SH3RF1: variants seen among roughly 807,000 people sequenced by gnomAD.
SH3RF1 encodes the protein SH3 domain containing ring finger 1.
Under a neutral mutation model 74.0 loss-of-function variants are expected in SH3RF1, and 32 were observed. The observed-to-expected ratio is 0.43, with a 90% CI of 0.33 to 0.58. SH3RF1 has a LOEUF of 0.58. Ranked by LOEUF, SH3RF1 falls within the 20% of genes least tolerant of loss-of-function variation. SH3RF1 has a pLI of 0.05. For missense variants in SH3RF1, 954 were observed against 1,130.9 expected (o/e 0.84, Z 2.24); for synonymous variants, 396 against 439.6 (o/e 0.90, Z 1.24).
Position 169,269,180 on chromosome 4 carries a change from C to T in SH3RF1, c.33G>A (p.Glu11=). MDESALLDLL[E]CPVCLERLDA... ...CAAGGCGCTCTAGACACACCGGACACTCCAAAAGATCCAACAAGGCTGATT... is the reference window on the plus strand; with the variant it reads ...CAAGGCGCTCTAGACACACCGGACATTCCAAAAGATCCAACAAGGCTGATT... Residue 11 remains glutamate (E), a synonymous_variant, in exon 2 of 12, where the codon GAG becomes GAA. Coordinates refer to ENST00000284637, the MANE Select transcript of SH3RF1 (RefSeq NM_020870.4). 1.3e-6 allele frequency: 2 copies of T among 1,598,668 alleles called. No homozygotes were observed. The highest frequency in any genetic ancestry group is 1.7e-6 in the Non-Finnish European group (2 of 1,175,172).
At chr4:169,182,700 G>C (rs1451959277) in intron 2 of SH3RF1, among the ~76,000 whole-genome samples, 1 of 152,040 alleles carries the variant, frequency 6.6e-6, no homozygotes, top group Non-Finnish European at 1.5e-5. Context: ...CTTCATAGCA[G>C]GCTTTATTGC....
intron 10 of SH3RF1, among the ~76,000 whole-genome samples, chr4:169,115,361 C>T (rs577996761): frequency 3.6e-4 from 55 of 152,298 alleles, no homozygotes; most frequent in Non-Finnish European, 7.2e-4. Context: ...TTTACAGCCG[C>T]TCCCCATCAC....
intron 6 of SH3RF1, among the ~76,000 whole-genome samples, chr4:169,123,638 TC>T (rs1354895225): frequency 6.6e-6 from 1 of 152,182 alleles, no homozygotes; most frequent in Non-Finnish European, 1.5e-5. Context: ...ACGCCTGTAA[TC>T]CCAGCACTTT....
chr4:169,227,630 ATTAT>A (rs1730672804), intron 2 of SH3RF1, among the ~76,000 whole-genome samples: 1 of 152,160 alleles, frequency 6.6e-6, no homozygotes, highest in Non-Finnish European at 1.5e-5. Context: ...ACATCTATGC[ATTAT>A]TTATTTTACT....
At chr4:169,150,642 T>C (rs887750216) in intron 4 of SH3RF1, among the ~76,000 whole-genome samples, 1 of 152,174 alleles carries the variant, frequency 6.6e-6, no homozygotes, top group African/African-American at 2.4e-5. Context: ...AGGGGGGTCT[T>C]CTCTACAAAG....
chr4:169,244,099 TTGTC>T (rs1386451286), intron 2 of SH3RF1, among the ~76,000 whole-genome samples: 2 of 152,214 alleles, frequency 1.3e-5, no homozygotes, highest in Non-Finnish European at 2.9e-5. Context: ...GGCCATCCCT[TTGTC>T]TGATCTCAAA....
intron 2 of SH3RF1, among the ~76,000 whole-genome samples, chr4:169,264,086 T>C (rs1731317272): frequency 6.6e-6 from 1 of 152,154 alleles, no homozygotes; most frequent in African/African-American, 2.4e-5. Flanking sequence ...GGAGTATGTC[T>C]ACAGTCAGAG....
intron 2 of SH3RF1, among the ~76,000 whole-genome samples, chr4:169,232,629 A>G (rs1730761213): frequency 6.6e-6 from 1 of 152,208 alleles, no homozygotes; most frequent in African/African-American, 2.4e-5. Flanking sequence ...GCAGCAAATG[A>G]ATTCAAGTTT....
intron 2 of SH3RF1, among the ~76,000 whole-genome samples, chr4:169,189,056 G>GA (rs1193039445): frequency 2.0e-5 from 3 of 152,326 alleles, no homozygotes; most frequent in East Asian, 1.9e-4. Context: ...CATTCTTGTA[G>GA]AAAAAAGATA....
intron 11 of SH3RF1, among the ~76,000 whole-genome samples, chr4:169,099,732 A>T (rs1246413788): frequency 6.6e-6 from 1 of 152,188 alleles, no homozygotes; most frequent in Non-Finnish European, 1.5e-5. Flanking sequence ...GCACTAAACC[A>T]ATTTTGTCAA....
intron 2 of SH3RF1, among the ~76,000 whole-genome samples, chr4:169,193,650 C>A (rs187338920): frequency 6.6e-6 from 1 of 152,258 alleles, no homozygotes; most frequent in African/African-American, 2.4e-5. Context: ...AGTGCAGGTC[C>A]TGTCAGGGAA....
chr4:169,098,928 A>G (rs1186595193), intron 11 of SH3RF1, among the ~76,000 whole-genome samples: 1 of 152,234 alleles, frequency 6.6e-6, no homozygotes, highest in African/African-American at 2.4e-5. Context: ...TATGGCTTAG[A>G]CAAGAGTAGG....
At chr4:169,229,848 A>C (rs190998809) in intron 2 of SH3RF1, among the ~76,000 whole-genome samples, 1 of 152,338 alleles carries the variant, frequency 6.6e-6, no homozygotes, top group Admixed American at 6.5e-5. Flanking sequence ...ATCTACTTGA[A>C]ACAACACAAA....
At chr4:169,166,318 C>G (rs893623284) in intron 2 of SH3RF1, 1 of 153,442 alleles carries the variant, frequency 6.5e-6, no homozygotes, top group Non-Finnish European at 1.5e-5. Flanking sequence ...AGAAGGAACC[C>G]GAAGCCACGA....
intron 2 of SH3RF1, among the ~76,000 whole-genome samples, chr4:169,217,817 C>T (rs966533060): frequency 6.6e-6 from 1 of 151,908 alleles, no homozygotes; most frequent in Non-Finnish European, 1.5e-5. Flanking sequence ...GCCACAGAAC[C>T]GTATACTTTA....
chr4:169,242,867 A>T lies in SH3RF1; in HGVS notation c.393+25953T>A, dbSNP rs146468875. ...CAATCTTGGACTTCCCAGCCTCCAG[A>T]ACCATGAGCCAAATACATTTCTATC... On this transcript the variant is annotated intron_variant, in intron 2 of 11. Coordinates refer to ENST00000284637, the MANE Select transcript of SH3RF1 (RefSeq NM_020870.4). Among the ~76,000 whole-genome samples, 689 of 152,344 alleles carry T rather than the reference A, an allele frequency of 4.5e-3. 9 individuals are homozygous for T. Among genetic ancestry groups the T allele is most frequent in the Non-Finnish European group, 7.8e-3 (532 of 68,038 alleles).
Position 169,155,572 on chromosome 4 carries a change from C to T in SH3RF1, c.673G>A (p.Asp225Asn), listed in dbSNP as rs13145975. Residue 225 changes from aspartate (D) to asparagine (N), a missense_variant, in exon 4 of 12, where the codon GAT becomes AAT. Transcript: ENST00000284637. Reference protein sequence around the residue: ...DKDCLPFAKDDVLTVIRRVDE... With the variant: ...DKDCLPFAKDNVLTVIRRVDE... ...ACTCTTCGGATCACAGTCAGAACAT[C>T]ATCCTGAAGAAACAGCAAATCATTA... 8.1e-6 allele frequency: 13 copies of T among 1,610,718 alleles called. No individual in the cohort carries two copies. Among genetic ancestry groups the T allele is most frequent in the Non-Finnish European group, 1.0e-5 (12 of 1,177,104 alleles).
intron 11 of SH3RF1, among the ~76,000 whole-genome samples, chr4:169,098,609 A>C (rs778020480): frequency 1.3e-5 from 2 of 152,236 alleles, no homozygotes; most frequent in Non-Finnish European, 2.9e-5. Context: ...CACAGCACAG[A>C]AGTTGGCTTA....
intron 8 of SH3RF1, among the ~76,000 whole-genome samples, chr4:169,119,886 G>C (rs1024812906): frequency 6.6e-6 from 1 of 152,200 alleles, no homozygotes; most frequent in African/African-American, 2.4e-5. Flanking sequence ...GGCTCCCTCA[G>C]TGTTGATTTC....
Sources: allele counts gnomAD v4.1 joint callset (sites outside exome capture counted in the v4.1 genomes callset), GRCh38; gene constraint gnomAD v4.1.1; transcripts MANE v1.5; gene names NCBI Gene and HGNC (gene_info 2026-07-23, HGNC 2026-07-21).